Variants in MLLT3 observed in about 807,000 individuals in gnomAD.
The protein encoded by MLLT3 is MLLT3 super elongation complex subunit, also known as protein AF-9.
A neutral mutation model predicts 53.2 loss-of-function variants in MLLT3; 4 were observed. The observed-to-expected ratio is 0.08, with a 90% confidence interval of 0.04 to 0.17. The LOEUF (loss-of-function observed/expected upper bound fraction) is 0.17. Among genes scored for constraint, MLLT3 ranks in the 10% least tolerant of loss-of-function variants. MLLT3 has a pLI of 1.00. For missense variants in MLLT3, 569 were observed against 684.0 expected (o/e 0.83, Z 1.87); for synonymous variants, 283 against 230.6 (o/e 1.23, Z -2.06).
rs185469640 is a variant in MLLT3 at position 20,565,449 on chromosome 9, A to G, written c.193+55205T>C. ...CTTCTAGAGTAGCCCAGTGGACCCA[A>G]GGACCTAATTGTTCACTTTCTTTAT... is the stretch of plus-strand genomic sequence containing the variant. On this transcript the variant is annotated intron_variant, in intron 2 of 10. Coordinates refer to ENST00000380338, the MANE Select transcript of MLLT3 (RefSeq NM_004529.4). Among the ~76,000 whole-genome samples, 179 of 152,220 alleles carry G rather than the reference A, an allele frequency of 1.2e-3. 1 individual carries two copies. Among genetic ancestry groups the G allele is most frequent in the African/African-American group, 4.0e-3 (168 of 41,560 alleles).
chr9:20,514,939 A>ATTTTTTTTTTTT, intron 2 of MLLT3, among the ~76,000 whole-genome samples: 1 of 88,734 alleles, frequency 1.1e-5, no homozygotes, highest in Non-Finnish European at 2.1e-5. Flanking sequence ...TGAAGGAACA[A>ATTTTTTTTTTTT]TTTTTTTTTT....
At chr9:20,606,743 C>G (rs1172242789) in intron 2 of MLLT3, among the ~76,000 whole-genome samples, 1 of 152,006 alleles carries the variant, frequency 6.6e-6, no homozygotes, top group African/African-American at 2.4e-5. Context: ...CTTTTCTTTT[C>G]TAGGGTACTG....
chr9:20,514,405 A>G (rs914255698), intron 2 of MLLT3, among the ~76,000 whole-genome samples: 1 of 152,160 alleles, frequency 6.6e-6, no homozygotes, highest in South Asian at 2.1e-4. Flanking sequence ...ACTCGAGCTG[A>G]TGCAGGCCTC....
chr9:20,565,125 CTGATA>C (rs1016006657), intron 2 of MLLT3, among the ~76,000 whole-genome samples: 7 of 150,664 alleles, frequency 4.6e-5, no homozygotes, highest in Non-Finnish European at 7.4e-5. Flanking sequence ...GGTTTACTGA[CTGATA>C]TGTTTTTTTT....
intron 4 of MLLT3, among the ~76,000 whole-genome samples, chr9:20,440,816 T>C (rs1014752382): frequency 1.3e-5 from 2 of 152,342 alleles, no homozygotes; most frequent in Non-Finnish European, 1.5e-5. Context: ...TTTCCTTTTC[T>C]GTTCATTTCT....
intron 3 of MLLT3, among the ~76,000 whole-genome samples, chr9:20,451,117 T>C (rs565694450): frequency 2.6e-5 from 4 of 152,144 alleles, no homozygotes; most frequent in African/African-American, 9.7e-5. Context: ...ATACTGACTT[T>C]GAAAGGCATA....
chr9:20,529,304 A>AT (rs1378519016), intron 2 of MLLT3, among the ~76,000 whole-genome samples: 11 of 152,222 alleles, frequency 7.2e-5, no homozygotes, highest in African/African-American at 1.4e-4. Context: ...TGTTTTTGTT[A>AT]TTTTTTTACC....
rs146454914 is a variant in MLLT3, at chr9:20,417,796, C to G, written c.421-3371G>C. On this transcript the variant is annotated intron_variant, in intron 4 of 10. Transcript: ENST00000380338. ...CTTTAATGTTTAATCTCTTCTAATACTACTTGTCAGCAACTCAAGTGGAGG... is the reference window on the plus strand; with the variant it reads ...CTTTAATGTTTAATCTCTTCTAATAGTACTTGTCAGCAACTCAAGTGGAGG... Among the ~76,000 whole-genome samples the G allele has an allele frequency of 3.8e-4, 58 of 152,204 alleles. No homozygotes were observed. The East Asian group carries it at 9.6e-3, about 25-fold the overall frequency.
intron 4 of MLLT3, among the ~76,000 whole-genome samples, chr9:20,433,173 T>G (rs570560788): frequency 6.6e-6 from 1 of 152,198 alleles, no homozygotes; most frequent in Non-Finnish European, 1.5e-5. Flanking sequence ...CAAAAGGGCC[T>G]GCTCTTCGGA....
Position 20,620,593 on chromosome 9 carries a change from C to T in MLLT3, c.193+61G>A. ...CGGGGAGCGGGACAGCGGGACCGCC[C>T]GGGCCAAGCGATTGTTTCAAAGACA... On this transcript the variant is annotated intron_variant, in intron 2 of 10. Transcript: ENST00000380338. This position sits in a 1 kb window ranked among gnomAD's most constrained non-coding sequence, Gnocchi z 6.1. 2.6e-6 allele frequency: 4 copies of T among 1,512,536 alleles called. No homozygotes were observed. Among genetic ancestry groups the T allele is most frequent in the Admixed American group, 1.8e-5 (1 of 54,378 alleles). 93.7% of individuals were successfully genotyped at this position (1,512,536 alleles called of 1,614,324 possible). A position where few individuals can be genotyped will look rare whatever the true frequency, so the allele number is the denominator to read the frequency against.
At chr9:20,597,808 T>G (rs150552235) in intron 2 of MLLT3, among the ~76,000 whole-genome samples, 2 of 152,234 alleles carry the variant, frequency 1.3e-5, no homozygotes, top group African/African-American at 4.8e-5. Context: ...AAGGTTCCTA[T>G]AGAACTGCAG....
At position 20,622,249 on chromosome 9, in the gene MLLT3, C is replaced by G. The variant is rs771014168; in HGVS notation, c.8G>C (p.Ser3Thr). The change falls in exon 1 of 11, where the codon AGC becomes ACC. Residue 3 changes from serine (S) to threonine (T), a missense_variant. Transcript: ENST00000380338. MA[S>T]SCAVQVKLEL... is the part of the protein sequence containing the mutation. ...ATTATTTTTGCGCGTACTTACCGAG[C>G]TAGCCATGCCTGGGGGCCCGGAGGT... The G allele has an allele frequency of 3.8e-6, 6 of 1,599,998 alleles. No individual in the cohort carries two copies. In the East Asian group the frequency reaches 1.4e-4, roughly 36 times the overall value.
chr9:20,545,856 C>CAAAAAAAAAA (rs5896901), intron 2 of MLLT3, among the ~76,000 whole-genome samples: 2 of 99,856 alleles, frequency 2.0e-5, no homozygotes, highest in Non-Finnish European at 3.8e-5. Context: ...CAGTCTCTAC[C>CAAAAAAAAAA]AAAAAAAAAA....
At chr9:20,375,604 TC>T (rs775241558) in intron 5 of MLLT3, among the ~76,000 whole-genome samples, 2,846 of 113,282 alleles carry the variant, frequency 0.025, 148 homozygotes, top group African/African-American at 0.18. Flanking sequence ...TTTTTTTTTT[TC>T]TTTTCTTTTT....
intron 3 of MLLT3, among the ~76,000 whole-genome samples, chr9:20,456,230 C>T (rs567410451): frequency 1.3e-4 from 20 of 152,120 alleles, no homozygotes; most frequent in African/African-American, 4.8e-4. Flanking sequence ...TGAGCCACCG[C>T]GCCAGGCCTG....
At chr9:20,423,581 G>A (rs1823069044) in intron 4 of MLLT3, among the ~76,000 whole-genome samples, 2 of 151,918 alleles carry the variant, frequency 1.3e-5, no homozygotes, top group South Asian at 4.2e-4. Context: ...GGGAGGCCAA[G>A]GAAGGAGGAT....
intron 2 of MLLT3, among the ~76,000 whole-genome samples, chr9:20,466,134 A>G (rs1212792111): frequency 1.3e-5 from 2 of 152,126 alleles, no homozygotes; most frequent in Admixed American, 6.5e-5. Flanking sequence ...CCTATCCAAA[A>G]TGCTTGGGAT....
intron 2 of MLLT3, among the ~76,000 whole-genome samples, chr9:20,619,563 G>A (rs1234807242): frequency 1.3e-5 from 2 of 152,138 alleles, no homozygotes; most frequent in East Asian, 1.9e-4. Context: ...TAAAGATTAC[G>A]GATCAAATGG....
chr9:20,350,954 T>C (rs116054474), intron 10 of MLLT3, among the ~76,000 whole-genome samples: 2,904 of 152,280 alleles, frequency 0.019, 92 homozygotes, highest in African/African-American at 0.066. Flanking sequence ...CTTTAACTGC[T>C]TCTCTATGGA....
Sources: allele counts gnomAD v4.1 joint callset (sites outside exome capture counted in the v4.1 genomes callset), GRCh38; gene constraint gnomAD v4.1.1; non-coding constraint Gnocchi (gnomAD v3.1); transcripts MANE v1.5; gene names NCBI Gene and HGNC (gene_info 2026-07-23, HGNC 2026-07-21).